The following FAM98B variants were observed in gnomAD, a reference collection of about 807,000 sequenced individuals.
The protein encoded by FAM98B is tRNA-splicing ligase complex subunit FAM98B.
In FAM98B, 32 loss-of-function variants were observed where a neutral mutation model predicts 43.9. The ratio of observed to expected loss-of-function variants is 0.73; its 90% confidence interval spans 0.55 to 0.98. The LOEUF is 0.98. Among genes scored for constraint, FAM98B ranks in the 50% least tolerant of loss-of-function variants. The probability of loss-of-function intolerance (pLI) is 0.00; values close to 1 mark genes in which losing one functional copy is unlikely to be tolerated. For synonymous variants in FAM98B, 190 were observed against 174.0 expected (o/e 1.09, Z -0.72); for missense variants, 514 against 522.9 (o/e 0.98, Z 0.17).
At chr15:38,456,286 C>G (rs937731559) in intron 1 of FAM98B, among the ~76,000 whole-genome samples, 1 of 152,174 alleles carries the variant, frequency 6.6e-6, no homozygotes, top group Non-Finnish European at 1.5e-5. Flanking sequence ...TAGTAGATCT[C>G]AACACTGGAA....
intron 1 of FAM98B, among the ~76,000 whole-genome samples, chr15:38,456,960 T>G (rs1889858691): frequency 2.0e-5 from 3 of 152,206 alleles, no homozygotes; most frequent in Non-Finnish European, 4.4e-5. Flanking sequence ...TTCTTGATCA[T>G]AACAGCAATG....
chr15:38,465,457 TC>T (rs1420307304), intron 3 of FAM98B, 54 bp downstream of exon 3: 2 of 1,471,142 alleles, frequency 1.4e-6, no homozygotes, highest in African/African-American at 2.8e-5. Context: ...TTTATTATTT[TC>T]AAGTCAAGAT....
intron 5 of FAM98B, 136 bp from the exon 6 acceptor site, chr15:38,474,046 G>A: frequency 1.6e-6 from 1 of 608,822 alleles, no homozygotes; most frequent in Admixed American, 2.8e-5. Context: ...TTACCATAAA[G>A]TCTCATGGGA....
intron 3 of FAM98B, among the ~76,000 whole-genome samples, chr15:38,469,502 G>T (rs879784838): frequency 1.3e-5 from 2 of 152,098 alleles, no homozygotes; most frequent in Non-Finnish European, 2.9e-5. Context: ...TGTTGATTTG[G>T]TGGTGGGTCT....
chr15:38,470,966 G>C (rs1294309734), intron 4 of FAM98B, among the ~76,000 whole-genome samples: 1 of 148,066 alleles, frequency 6.8e-6, no homozygotes. Flanking sequence ...TTTTTTTTCA[G>C]TTACTAAGCA....
At chr15:38,469,852 C>T (rs746763252) in intron 3 of FAM98B, among the ~76,000 whole-genome samples, 2 of 151,346 alleles carry the variant, frequency 1.3e-5, no homozygotes, top group Non-Finnish European at 2.9e-5. Flanking sequence ...ATGAAAGTTA[C>T]GCTGCTGTTT....
In FAM98B at chr15:38,486,830, A is replaced by C. The variant is rs758672063; in HGVS notation, c.*2171A>C. The stretch of plus-strand genomic sequence containing the variant: ...CTGAGCAGTATCTGGAATAGCAGGA[A>C]GGAAATTTGGGGCCTTAATGGGAAA... On this transcript the variant is annotated 3_prime_UTR_variant, in exon 8 of 8. Coordinates refer to ENST00000397609, the MANE Select transcript of FAM98B (RefSeq NM_173611.4). The C allele has an allele frequency of 5.3e-5, 8 of 152,156 alleles. No individual in the cohort carries two copies. Among genetic ancestry groups the C allele is most frequent in the Non-Finnish European group, 1.0e-4 (7 of 67,984 alleles). 9.4% of individuals were successfully genotyped at this position (152,156 alleles called of 1,614,324 possible).
intron 5 of FAM98B, 31 bp downstream of exon 5, chr15:38,473,616 G>A (rs780016334): frequency 1.6e-5 from 24 of 1,529,654 alleles, no homozygotes; most frequent in Non-Finnish European, 2.1e-5. Flanking sequence ...TTAGTTTTAT[G>A]TAATTACATT....
At chr15:38,465,168 T>G in intron 2 of FAM98B, 101 bp from the exon 3 acceptor site, 1 of 1,208,998 alleles carries the variant, frequency 8.3e-7, no homozygotes, top group Non-Finnish European at 1.1e-6. Flanking sequence ...AATGTGAAAA[T>G]TTAGAATTGA....
Position 38,484,480 on chromosome 15 carries a change from G to A in FAM98B, c.1123G>A (p.Gly375Arg). 9.6e-7 allele frequency: 1 copy of A among 1,040,568 alleles called. No homozygotes were observed. Among genetic ancestry groups the A allele is most frequent in the Non-Finnish European group, 1.2e-6 (1 of 843,448 alleles). 64.5% of individuals were successfully genotyped at this position (1,040,568 alleles called of 1,614,324 possible). Residue 375 changes from glycine (G) to arginine (R), a missense_variant, in exon 8 of 8, where the codon GGG becomes AGG. Gly to Arg is a moderately radical substitution (Grantham distance 125, BLOSUM62 -2). Transcript: ENST00000397609. ...GWGGGGGGGG[G>R]WGGGGGGGRG... is the part of the protein sequence containing the mutation. ...GGGAGGTGGTGGGGGAGGGGGAGGA[G>A]GGTGGGGGGGAGGAGGAGGAGGTGG...
Position 38,470,222 on chromosome 15 carries a change from TGTAGTATTTTTAA to T in FAM98B, c.353-1_364del. 7.1e-7 allele frequency: 1 copy of T among 1,411,132 alleles called. No individual in the cohort carries two copies. The highest frequency in any genetic ancestry group is 9.5e-7 in the Non-Finnish European group (1 of 1,050,616). The allele number at this position is 1,411,132 out of a possible 1,614,324, so 87.4% of individuals were successfully genotyped here. A position where few individuals can be genotyped will look rare whatever the true frequency, so the allele number is the denominator to read the frequency against. On this transcript the variant is annotated splice_acceptor_variant and splice_polypyrimidine_tract_variant and coding_sequence_variant and intron_variant, in exon 4 of 8. Coordinates refer to ENST00000397609, the MANE Select transcript of FAM98B (RefSeq NM_173611.4). LOFTEE classifies it high-confidence loss of function. Reference sequence around the variant, plus strand: ...TTAACATTATTTATTTTCTCTTTATTGTAGTATTTTTAAGTACAGAACTTCAAGCTTCACAGAT... The same window carrying T: ...TTAACATTATTTATTTTCTCTTTATTGTACAGAACTTCAAGCTTCACAGAT...
At chr15:38,483,229 G>GTT (rs1426596019) in intron 7 of FAM98B, 2 of 152,106 alleles carry the variant, frequency 1.3e-5, no homozygotes, top group Non-Finnish European at 2.9e-5. Context: ...AAGGTATGTC[G>GTT]TTATATATAT....
intron 6 of FAM98B, among the ~76,000 whole-genome samples, chr15:38,478,262 G>T (rs1890234224): frequency 6.6e-6 from 1 of 152,090 alleles, no homozygotes; most frequent in African/African-American, 2.4e-5. Context: ...ATCTTCTCAT[G>T]TTGGTCTTTT....
intron 3 of FAM98B, among the ~76,000 whole-genome samples, chr15:38,466,923 A>G (rs930537439): frequency 6.6e-6 from 1 of 152,078 alleles, no homozygotes; most frequent in African/African-American, 2.4e-5. Context: ...CCTGTTTCAG[A>G]TCCTTCTCCT....
At chr15:38,477,453 A>G (rs1890219008) in intron 6 of FAM98B, among the ~76,000 whole-genome samples, 1 of 152,038 alleles carries the variant, frequency 6.6e-6, no homozygotes, top group South Asian at 2.1e-4. Context: ...TCTTCTTGTC[A>G]TAGGATATAT....
At chr15:38,457,647 AGAT>A (rs1889868508) in intron 1 of FAM98B, among the ~76,000 whole-genome samples, 1 of 152,086 alleles carries the variant, frequency 6.6e-6, no homozygotes, top group Non-Finnish European at 1.5e-5. Context: ...TCAGGGTGTG[AGAT>A]AGGGTATACA....
intron 1 of FAM98B, among the ~76,000 whole-genome samples, chr15:38,456,061 T>C (rs1478690228): frequency 1.3e-5 from 2 of 152,208 alleles, no homozygotes; most frequent in African/African-American, 4.8e-5. Context: ...TGTAAGGTAT[T>C]GAGGATATCA....
Position 38,474,222 on chromosome 15 carries a change from A to T in FAM98B, c.653A>T (p.Tyr218Phe). The T allele has an allele frequency of 2.5e-6, 4 of 1,613,878 alleles. No homozygotes were observed. The highest frequency in any genetic ancestry group is 3.4e-6 in the Non-Finnish European group (4 of 1,179,816). ...ERINDALSCE[Y>F]ECRRRMLMKR... ...ATCAATGATGCTCTTTCCTGTGAAT[A>T]TGAGTGCCGCCGACGAATGTTAATG... is the stretch of plus-strand genomic sequence containing the variant. Residue 218 changes from tyrosine (Y) to phenylalanine (F), a missense_variant, in exon 6 of 8, where the codon TAT (tyrosine) becomes TTT (phenylalanine). Coordinates refer to ENST00000397609, the MANE Select transcript of FAM98B (RefSeq NM_173611.4).
intron 5 of FAM98B, 147 bp downstream of exon 5, chr15:38,473,732 C>T: frequency 3.2e-6 from 2 of 621,958 alleles, no homozygotes; most frequent in Non-Finnish European, 2.7e-6. Flanking sequence ...AGTAATATGT[C>T]CTAACATTTC....
Sources: gnomAD v4.1 joint callset for allele counts (sites outside exome capture counted in the v4.1 genomes callset) on GRCh38, gnomAD v4.1.1 for gene constraint, MANE v1.5 for transcripts, NCBI Gene and HGNC (gene_info 2026-07-23, HGNC 2026-07-21) for gene names.